LIPC: variants seen among roughly 807,000 people sequenced by gnomAD.
LIPC encodes hepatic triacylglycerol lipase.
A neutral mutation model predicts 50.7 loss-of-function variants in LIPC; 44 were observed. That is an observed-to-expected ratio of 0.87 (90% confidence interval 0.68 to 1.11). LIPC has a LOEUF of 1.11. Ranked by LOEUF, LIPC falls within the 50% of genes most tolerant of loss-of-function variation. The pLI, the probability that LIPC is intolerant of heterozygous loss-of-function variation, is 0.00. For missense variants in LIPC, 697 were observed against 648.2 expected (o/e 1.08, Z -0.82); for synonymous variants, 271 against 256.4 (o/e 1.06, Z -0.54).
intron 1 of LIPC, among the ~76,000 whole-genome samples, chr15:58,529,797 G>A (rs1409146377): frequency 6.6e-6 from 1 of 152,218 alleles, no homozygotes; most frequent in African/African-American, 2.4e-5. Flanking sequence ...GGGCATGTCA[G>A]GTGGCCTTTC....
intron 1 of LIPC, among the ~76,000 whole-genome samples, chr15:58,448,956 G>C (rs1173570497): frequency 6.6e-6 from 1 of 152,180 alleles, no homozygotes; most frequent in Non-Finnish European, 1.5e-5. Flanking sequence ...CAAAAACCAG[G>C]CTTGGGACTG....
chr15:58,542,252 C>A (rs1893356604), intron 3 of LIPC, among the ~76,000 whole-genome samples: 1 of 152,148 alleles, frequency 6.6e-6, no homozygotes. Context: ...ACCCTGTAAG[C>A]TATCAAGCCC....
intron 1 of LIPC, among the ~76,000 whole-genome samples, chr15:58,447,904 C>T (rs533546474): frequency 2.6e-5 from 4 of 152,320 alleles, no homozygotes; most frequent in Admixed American, 6.5e-5. Flanking sequence ...ACTGGAGGAA[C>T]AAGGAAATGG....
rs190913367 is a variant in LIPC, at chr15:58,432,504, C to T, written c.88+384C>T. On this transcript the variant is annotated intron_variant, in intron 1 of 8. Transcript: ENST00000299022. The stretch of plus-strand genomic sequence containing the variant: ...CCAGGCTTGCAATGAAATGCTCTGT[C>T]GGGTTGGGGTTGTCTAATTGCCTGC... 22 of 299,662 alleles carry T rather than the reference C, an allele frequency of 7.3e-5. No homozygotes were observed. The East Asian group carries it at 1.0e-3, about 14-fold the overall frequency. 18.6% of individuals were successfully genotyped at this position (299,662 alleles called of 1,614,324 possible).
intron 1 of LIPC, among the ~76,000 whole-genome samples, chr15:58,535,978 C>T (rs970960471): frequency 1.3e-5 from 2 of 152,166 alleles, no homozygotes; most frequent in African/African-American, 2.4e-5. Context: ...GACACCTCAC[C>T]GCTCACTAAC....
chr15:58,505,050 G>C (rs1455848776), intron 1 of LIPC, among the ~76,000 whole-genome samples: 1 of 152,238 alleles, frequency 6.6e-6, no homozygotes, highest in Non-Finnish European at 1.5e-5. Context: ...CCAAGGCAAA[G>C]AGAATGGAAA....
chr15:58,494,688 G>A (rs147236305), intron 1 of LIPC: 489 of 448,958 alleles, frequency 1.1e-3, no homozygotes, highest in Middle Eastern at 3.6e-3. Flanking sequence ...AATACCCAGC[G>A]TCAGATAATG....
rs775758554 is a variant in LIPC at position 58,538,403 on chromosome 15, G to C, written c.159G>C (p.Leu53=). 1.9e-6 allele frequency: 3 copies of C among 1,614,166 alleles called. No individual in the cohort carries two copies. In the East Asian group the frequency reaches 6.7e-5, roughly 36 times the overall value. ...KTLHEMKTRF[L]LFGETNQGCQ... is the part of the protein sequence containing the mutation. The stretch of plus-strand genomic sequence containing the variant: ...TGCATGAGATGAAGACCAGATTCCT[G>C]CTCTTTGGAGAAACCAATCAGGGCT... Residue 53 remains leucine (L), a synonymous_variant, in exon 2 of 9, where the codon CTG becomes CTC. Coordinates refer to ENST00000299022, the MANE Select transcript of LIPC (RefSeq NM_000236.3).
At chr15:58,437,605 A>T (rs1893350053) in intron 1 of LIPC, among the ~76,000 whole-genome samples, 1 of 152,086 alleles carries the variant, frequency 6.6e-6, no homozygotes, top group Non-Finnish European at 1.5e-5. Flanking sequence ...ACCCCCGGGA[A>T]AGGGATTTTC....
intron 1 of LIPC, among the ~76,000 whole-genome samples, chr15:58,486,312 A>T (rs1273533721): frequency 6.6e-6 from 1 of 152,126 alleles, no homozygotes; most frequent in Non-Finnish European, 1.5e-5. Flanking sequence ...GACTGGGCCT[A>T]ACGGATGTTC....
Position 58,537,964 on chromosome 15 carries a change from G to A in LIPC, c.89-369G>A, listed in dbSNP as rs183452581. 1.6e-3 allele frequency among the ~76,000 whole-genome samples: 240 copies of A among 152,296 alleles called. 1 individual carries two copies. Among genetic ancestry groups the A allele is most frequent in the Admixed American group, 6.1e-3 (94 of 15,302 alleles). ...ATGAAATTGGAGACAGCGACACCTG[G>A]GTTCAAATCCTGTCTCTATCAGTTT... On this transcript the variant is annotated intron_variant, in intron 1 of 8. Transcript: ENST00000299022.
At chr15:58,542,102 G>A in intron 3 of LIPC, 135 bp downstream of exon 3, 2 of 1,069,358 alleles carry the variant, frequency 1.9e-6, no homozygotes, top group Admixed American at 4.0e-5. Context: ...GAATGAGAAG[G>A]CACAGGACTG....
In LIPC at chr15:58,546,302, C is replaced by G. The variant is rs576517803; in HGVS notation, c.808+327C>G. ...GTACCAGCTCTTCTGAGAGTTGAGTCCGGATGCCTGTGGTTATTCTTCCTT... is the reference window on the plus strand; with the variant it reads ...GTACCAGCTCTTCTGAGAGTTGAGTGCGGATGCCTGTGGTTATTCTTCCTT... On this transcript the variant is annotated intron_variant, in intron 5 of 8. Transcript: ENST00000299022. Among the ~76,000 whole-genome samples the G allele has an allele frequency of 2.0e-5, 3 of 152,344 alleles. No homozygotes were observed. The South Asian group carries it at 6.2e-4, about 32-fold the overall frequency.
intron 1 of LIPC, among the ~76,000 whole-genome samples, chr15:58,486,780 C>A (rs1251892452): frequency 6.6e-6 from 1 of 152,186 alleles, no homozygotes; most frequent in Admixed American, 6.5e-5. Flanking sequence ...ATTTGCCAGT[C>A]AGAAGCGTGG....
chr15:58,434,836 C>G lies in LIPC; in HGVS notation c.88+2716C>G, dbSNP rs539194722. 4 of 152,288 alleles carry G rather than the reference C, an allele frequency of 2.6e-5. No individual in the cohort carries two copies. The East Asian group carries it at 7.7e-4, about 29-fold the overall frequency. 9.4% of individuals were successfully genotyped at this position (152,288 alleles called of 1,614,324 possible). Reference sequence around the variant, plus strand: ...GGCCCACTATCAACAGGCACCTTCTCCCTCCCCTCCACCCCAGCCTCAGCT... The same window carrying G: ...GGCCCACTATCAACAGGCACCTTCTGCCTCCCCTCCACCCCAGCCTCAGCT... On this transcript the variant is annotated intron_variant, in intron 1 of 8. Coordinates refer to ENST00000299022, the MANE Select transcript of LIPC (RefSeq NM_000236.3).
At chr15:58,456,169 G>A (rs1161676555) in intron 1 of LIPC, 1 of 152,346 alleles carries the variant, frequency 6.6e-6, no homozygotes, top group African/African-American at 2.4e-5. Context: ...ACCGAGACAA[G>A]AGGGTGAGCA....
At chr15:58,459,886 A>G (rs886612369) in intron 1 of LIPC, among the ~76,000 whole-genome samples, 2 of 152,166 alleles carry the variant, frequency 1.3e-5, no homozygotes, top group Non-Finnish European at 2.9e-5. Context: ...GGAGGCCCTG[A>G]GTGGGGCCAC....
chr15:58,449,592 A>G (rs1428075488), intron 1 of LIPC, among the ~76,000 whole-genome samples: 1 of 151,864 alleles, frequency 6.6e-6, no homozygotes, highest in Non-Finnish European at 1.5e-5. Context: ...TCACTCTGTC[A>G]ACCACGCTGT....
chr15:58,565,090 C>G (rs987100194), intron 8 of LIPC: 3 of 1,080,490 alleles, frequency 2.8e-6, no homozygotes, highest in Non-Finnish European at 4.0e-6. Flanking sequence ...CCCCTGAGTC[C>G]CTTTATACAA....
Sources: allele counts gnomAD v4.1 joint callset (sites outside exome capture counted in the v4.1 genomes callset), GRCh38; gene constraint gnomAD v4.1.1; transcripts MANE v1.5; gene names NCBI Gene and HGNC (gene_info 2026-07-23, HGNC 2026-07-21).